Variants in KLF12 observed in about 807,000 individuals in gnomAD.
KLF12 encodes KLF transcription factor 12.
In KLF12, 9 loss-of-function variants were observed where a neutral mutation model predicts 37.8. That is an observed-to-expected ratio of 0.24 (90% CI 0.14 to 0.42). KLF12 has a LOEUF of 0.42. KLF12 is among the 10% of genes least tolerant of loss of function. The pLI, the probability that KLF12 is intolerant of heterozygous loss-of-function variation, is 1.00. For synonymous variants in KLF12, 208 were observed against 202.1 expected (o/e 1.03, Z -0.25); for missense variants, 411 against 516.0 (o/e 0.80, Z 1.97).
intron 5 of KLF12, among the ~76,000 whole-genome samples, chr13:73,796,507 C>CTGTGTGTGTGTGTGTGTGTGTGTGTG (rs5804694): frequency 7.1e-6 from 1 of 140,364 alleles, no homozygotes; most frequent in Non-Finnish European, 1.5e-5. Context: ...TGCCCCTGTG[C>CTGTGTGTGTGTGTGTGTGTGTGTGTG]TGTGTGTGTG....
At chr13:73,857,084 T>G (rs1266555984) in intron 3 of KLF12, among the ~76,000 whole-genome samples, 3 of 152,162 alleles carry the variant, frequency 2.0e-5, no homozygotes, top group Non-Finnish European at 2.9e-5. Flanking sequence ...TAAGGCAGAT[T>G]TAGTCATGAT....
intron 6 of KLF12, among the ~76,000 whole-genome samples, chr13:73,738,088 T>G (rs1877610432): frequency 7.7e-6 from 1 of 130,620 alleles, no homozygotes; most frequent in African/African-American, 2.7e-5. Flanking sequence ...TATATGTATG[T>G]GTACATATAT....
chr13:74,134,517 G>A (rs958340439), upstream of KLF12, among the ~76,000 whole-genome samples: 2 of 151,690 alleles, frequency 1.3e-5, no homozygotes, highest in African/African-American at 4.8e-5. Flanking sequence ...TGGGTCCGCG[G>A]CGCCTCCACC....
At chr13:74,001,573 T>C (rs1892283016) in intron 1 of KLF12, among the ~76,000 whole-genome samples, 1 of 152,238 alleles carries the variant, frequency 6.6e-6, no homozygotes, top group South Asian at 2.1e-4. Flanking sequence ...TATACATATT[T>C]GGCTTTCCTA....
At chr13:73,783,879 C>T (rs1247111326) in intron 5 of KLF12, among the ~76,000 whole-genome samples, 1 of 152,156 alleles carries the variant, frequency 6.6e-6, no homozygotes, top group East Asian at 1.9e-4. Flanking sequence ...AGTTCTAACA[C>T]AAACGCTTCC....
At chr13:73,747,921 T>A (rs1878481878) in intron 6 of KLF12, among the ~76,000 whole-genome samples, 2 of 152,202 alleles carry the variant, frequency 1.3e-5, no homozygotes, top group African/African-American at 4.8e-5. Context: ...GAGAAATAAA[T>A]AAAATGGTAT....
chr13:74,299,641 ATAAG>A, the KLF12 span, among the ~76,000 whole-genome samples: 2 of 152,196 alleles, frequency 1.3e-5, no homozygotes, highest in African/African-American at 4.8e-5. Flanking sequence ...TTAAGGGCTA[ATAAG>A]ACATATTTTT....
At chr13:74,030,621 G>T (rs371165768) in intron 1 of KLF12, among the ~76,000 whole-genome samples, 1 of 151,894 alleles carries the variant, frequency 6.6e-6, no homozygotes, top group East Asian at 1.9e-4. Context: ...TAATTATATG[G>T]CACAGATAAT....
chr13:74,014,892 C>G (rs887392897), intron 1 of KLF12, among the ~76,000 whole-genome samples: 20 of 152,090 alleles, frequency 1.3e-4, no homozygotes, highest in African/African-American at 4.8e-4. Flanking sequence ...CAATGTTTTT[C>G]TAAGTAAAGC....
intron 1 of KLF12, among the ~76,000 whole-genome samples, chr13:74,003,664 C>T (rs1892337846): frequency 6.6e-6 from 1 of 152,048 alleles, no homozygotes; most frequent in Non-Finnish European, 1.5e-5. Context: ...TCTGACACTG[C>T]TGGCCAAAGA....
the KLF12 span, among the ~76,000 whole-genome samples, chr13:74,167,291 T>C: frequency 6.6e-6 from 1 of 152,216 alleles, no homozygotes; most frequent in African/African-American, 2.4e-5. Flanking sequence ...ACATCTGGTA[T>C]AACTCACTTT....
intron 2 of KLF12, among the ~76,000 whole-genome samples, chr13:73,976,618 C>T (rs990998251): frequency 1.4e-4 from 21 of 152,274 alleles, no homozygotes; most frequent in African/African-American, 5.1e-4. Context: ...AACTCTTGAT[C>T]ATGTAACTCT....
the KLF12 span, among the ~76,000 whole-genome samples, chr13:74,271,768 G>A: frequency 2.0e-5 from 3 of 152,142 alleles, no homozygotes; most frequent in Admixed American, 6.5e-5. Flanking sequence ...GTCAGGTATG[G>A]TATACACAAT....
intron 1 of KLF12, among the ~76,000 whole-genome samples, chr13:74,112,110 G>C (rs374086848): frequency 6.6e-6 from 1 of 152,122 alleles, no homozygotes; most frequent in African/African-American, 2.4e-5. Flanking sequence ...GGACCAAACA[G>C]AGCCATGGCC....
chr13:74,211,077 C>T, the KLF12 span, among the ~76,000 whole-genome samples: 1 of 152,288 alleles, frequency 6.6e-6, no homozygotes, highest in South Asian at 2.1e-4. Context: ...GTCTTCCACC[C>T]ACATTATTAT....
chr13:73,760,780 G>C (rs927178949), intron 6 of KLF12, among the ~76,000 whole-genome samples: 2 of 152,074 alleles, frequency 1.3e-5, no homozygotes, highest in South Asian at 2.1e-4. Context: ...ATCAAGCAAC[G>C]ACACATGCCC....
chr13:73,708,996 C>CT lies in KLF12; in HGVS notation c.1027+6371dup, dbSNP rs1209319274. On this transcript the variant is annotated intron_variant, in intron 7 of 7. Transcript: ENST00000377669. ...TGTGATGGCTGAGATATATTTTTTC[C>CT]TTTTTTTGACATGCCTTAAATGATT... Among the ~76,000 whole-genome samples the CT allele has an allele frequency of 4.6e-5, 7 of 151,994 alleles. No homozygotes were observed. The East Asian group carries it at 1.2e-3, about 25-fold the overall frequency.
the KLF12 span, among the ~76,000 whole-genome samples, chr13:74,285,475 G>A: frequency 2.4e-3 from 371 of 152,288 alleles, 3 homozygotes; most frequent in East Asian, 9.3e-3. Flanking sequence ...ATAAAATTCT[G>A]CCACAATTGC....
At chr13:74,269,988 G>A in the KLF12 span, among the ~76,000 whole-genome samples, 2 of 152,166 alleles carry the variant, frequency 1.3e-5, no homozygotes, top group South Asian at 2.1e-4. Flanking sequence ...GTCTGTGGAG[G>A]TGGCAGTTAT....
Sources: gnomAD v4.1 joint callset for allele counts (sites outside exome capture counted in the v4.1 genomes callset) on GRCh38, gnomAD v4.1.1 for gene constraint, MANE v1.5 for transcripts, NCBI Gene and HGNC (gene_info 2026-07-23, HGNC 2026-07-21) for gene names.